The following IGF1R variants were observed in gnomAD, a reference collection of about 807,000 sequenced individuals.
The protein encoded by IGF1R is insulin like growth factor 1 receptor.
Under a neutral mutation model 144.6 loss-of-function variants are expected in IGF1R, and 44 were observed. The ratio of observed to expected loss-of-function variants is 0.30; its 90% confidence interval spans 0.24 to 0.39. The LOEUF is 0.39. Ranked by LOEUF, IGF1R falls within the 10% of genes least tolerant of loss-of-function variation. The pLI is 1.00. For missense variants in IGF1R, 1,355 were observed against 1,833.7 expected (o/e 0.74, Z 4.77); for synonymous variants, 795 against 722.8 (o/e 1.10, Z -1.60).
chr15:98,789,268 T>TGA (rs1209311095), intron 2 of IGF1R, among the ~76,000 whole-genome samples: 7 of 152,256 alleles, frequency 4.6e-5, no homozygotes, highest in African/African-American at 1.7e-4. Flanking sequence ...GACACATTGT[T>TGA]CTAGGCTTCT....
At chr15:98,786,619 C>T (rs1362157462) in intron 2 of IGF1R, among the ~76,000 whole-genome samples, 3 of 152,166 alleles carry the variant, frequency 2.0e-5, no homozygotes, top group African/African-American at 7.2e-5. Context: ...TTCTCTGTTG[C>T]CTCTAATACA....
intron 2 of IGF1R, among the ~76,000 whole-genome samples, chr15:98,881,202 T>G (rs1225727701): frequency 6.6e-6 from 1 of 152,238 alleles, no homozygotes; most frequent in Non-Finnish European, 1.5e-5. Context: ...ATACACCTCT[T>G]AGTGTGGCGG....
At chr15:98,717,965 G>A (rs777546584) in intron 2 of IGF1R, among the ~76,000 whole-genome samples, 4 of 152,160 alleles carry the variant, frequency 2.6e-5, no homozygotes, top group Non-Finnish European at 4.4e-5. Context: ...ACACGTGCAC[G>A]TGTGCGTGTG....
chr15:98,657,591 T>C (rs1203317714), intron 1 of IGF1R, among the ~76,000 whole-genome samples: 1 of 152,234 alleles, frequency 6.6e-6, no homozygotes, highest in Non-Finnish European at 1.5e-5. Context: ...GGAGATCTGC[T>C]GTGAGGCTTC....
chr15:98,855,837 C>T (rs2011779999), intron 2 of IGF1R, among the ~76,000 whole-genome samples: 1 of 152,172 alleles, frequency 6.6e-6, no homozygotes, highest in South Asian at 2.1e-4. Flanking sequence ...GTTTTTAAAA[C>T]AGTGGAGTTA....
Position 98,935,099 on chromosome 15 carries a change from G to T in IGF1R, c.3186+46G>T. ...AGCCAAAATGCAGCACAGGGAGAGG[G>T]TATCACACAAGCCTCCCAGTATGTT... On this transcript the variant is annotated intron_variant, in intron 16 of 20. Coordinates refer to ENST00000650285, the MANE Select transcript of IGF1R (RefSeq NM_000875.5). The surrounding 1 kb of genome is among the most constrained non-coding windows in gnomAD (Gnocchi z 4.2). 1 of 1,461,864 alleles carries T rather than the reference G, an allele frequency of 6.8e-7. No individual in the cohort carries two copies. Among genetic ancestry groups the T allele is most frequent in the Non-Finnish European group, 9.6e-7 (1 of 1,043,212 alleles). The allele number at this position is 1,461,864 out of a possible 1,614,324, so 90.6% of individuals were successfully genotyped here. A position where few individuals can be genotyped will look rare whatever the true frequency, so the allele number is the denominator to read the frequency against.
At chr15:98,834,661 C>CATGTAACAGCTCTGCATCACTAA (rs1426771289) in intron 2 of IGF1R, among the ~76,000 whole-genome samples, 1 of 152,152 alleles carries the variant, frequency 6.6e-6, no homozygotes, top group Non-Finnish European at 1.5e-5. Context: ...TTTGCAGAAC[C>CATGTAACAGCTCTGCATCACTAA]ATGTAACAGC....
rs2016130271 is a variant in IGF1R at position 98,935,977 on chromosome 15, G to A, written c.3297+551G>A. On this transcript the variant is annotated intron_variant, in intron 17 of 20. Transcript: ENST00000650285. The surrounding 1 kb of genome is among the most constrained non-coding windows in gnomAD (Gnocchi z 4.2). ...TCAATAAATGTATGTTACAGTTCAA[G>A]GTTAAGCTGCCTGGATTCTTGCCCT... Among the ~76,000 whole-genome samples, 1 of 152,164 alleles carries A rather than the reference G, an allele frequency of 6.6e-6. No homozygotes were observed. The highest frequency in any genetic ancestry group is 6.5e-5 in the Admixed American group (1 of 15,278).
intron 8 of IGF1R, among the ~76,000 whole-genome samples, chr15:98,915,323 T>A (rs1223213300): frequency 1.3e-5 from 2 of 152,228 alleles, no homozygotes; most frequent in Non-Finnish European, 2.9e-5. Context: ...CTTCCATGCG[T>A]TTGCAGTTCT....
At chr15:98,713,617 C>T (rs2054048084) in intron 2 of IGF1R, among the ~76,000 whole-genome samples, 1 of 152,194 alleles carries the variant, frequency 6.6e-6, no homozygotes, top group Non-Finnish European at 1.5e-5. Flanking sequence ...GGCAGTTTTG[C>T]TGAAGGCCAG....
chr15:98,727,234 A>T (rs1188883228), intron 2 of IGF1R, among the ~76,000 whole-genome samples: 2 of 152,210 alleles, frequency 1.3e-5, no homozygotes, highest in Non-Finnish European at 2.9e-5. Context: ...TAAACTTTTA[A>T]TTCTTTTGCA....
chr15:98,906,927 CTT>C (rs2014760851), intron 5 of IGF1R, among the ~76,000 whole-genome samples: 1 of 152,226 alleles, frequency 6.6e-6, no homozygotes, highest in Non-Finnish European at 1.5e-5. Flanking sequence ...ACCCCCAGCA[CTT>C]GTGTGGACAG....
chr15:98,696,519 G>GA (rs58132969), intron 1 of IGF1R, among the ~76,000 whole-genome samples: 2 of 152,272 alleles, frequency 1.3e-5, no homozygotes, highest in African/African-American at 4.8e-5. Flanking sequence ...TACATATTAA[G>GA]AAAAAATCCT....
At chr15:98,722,052 C>T (rs1484399117) in intron 2 of IGF1R, among the ~76,000 whole-genome samples, 2 of 152,258 alleles carry the variant, frequency 1.3e-5, no homozygotes, top group East Asian at 3.9e-4. Flanking sequence ...TGCAGGTTTC[C>T]TTGCTAGTTC....
rs2011314060 is a variant in IGF1R at position 98,846,007 on chromosome 15, C to T, written c.641-45318C>T. On this transcript the variant is annotated intron_variant, in intron 2 of 20. Transcript: ENST00000650285. ...ATATTTTGCTGTTGTGATATGACTC[C>T]TGCCAGTGCTATTTCCATTTAACCT... Among the ~76,000 whole-genome samples the T allele has an allele frequency of 2.0e-5, 3 of 152,210 alleles. No homozygotes were observed. In the South Asian group the frequency reaches 6.2e-4, roughly 31 times the overall value.
At chr15:98,904,476 T>G (rs750116468) in intron 5 of IGF1R, among the ~76,000 whole-genome samples, 1 of 152,230 alleles carries the variant, frequency 6.6e-6, no homozygotes, top group Non-Finnish European at 1.5e-5. Flanking sequence ...TAGATAGACA[T>G]ATCCACCCTT....
intron 5 of IGF1R, among the ~76,000 whole-genome samples, chr15:98,904,209 G>T (rs889232867): frequency 6.6e-6 from 1 of 151,864 alleles, no homozygotes; most frequent in Non-Finnish European, 1.5e-5. Flanking sequence ...TCACCACCAC[G>T]CCCGACTAAT....
chr15:98,743,791 G>A lies in IGF1R; in HGVS notation c.640+35684G>A, dbSNP rs533957178. 5.3e-5 allele frequency among the ~76,000 whole-genome samples: 8 copies of A among 152,314 alleles called. No individual in the cohort carries two copies. The South Asian group carries it at 1.7e-3, about 32-fold the overall frequency. ...GAGGAAGCCAATCAGGAAGCAATTGGAGTAGGCAATGCAAAAGGCAAAGTG... is the reference window on the plus strand; with the variant it reads ...GAGGAAGCCAATCAGGAAGCAATTGAAGTAGGCAATGCAAAAGGCAAAGTG... On this transcript the variant is annotated intron_variant, in intron 2 of 20. Transcript: ENST00000650285.
intron 2 of IGF1R, among the ~76,000 whole-genome samples, chr15:98,814,894 T>G (rs919119370): frequency 3.9e-5 from 6 of 152,192 alleles, no homozygotes; most frequent in Admixed American, 3.3e-4. Context: ...CTTATATCTG[T>G]GGGGGAAAAT....
Sources: allele counts gnomAD v4.1 joint callset (sites outside exome capture counted in the v4.1 genomes callset), GRCh38; gene constraint gnomAD v4.1.1; non-coding constraint Gnocchi (gnomAD v3.1); transcripts MANE v1.5; gene names NCBI Gene and HGNC (gene_info 2026-07-23, HGNC 2026-07-21).